Variants in FAM177A1 observed in about 807,000 individuals in gnomAD.
FAM177A1 encodes family with sequence similarity 177 member A1.
FAM177A1 carries 22 observed loss-of-function variants against 26.1 expected under a neutral mutation model. The observed-to-expected ratio is 0.84, with a 90% CI of 0.60 to 1.20. FAM177A1 has a LOEUF of 1.20. FAM177A1 is among the 50% of genes most tolerant of loss of function. The probability of loss-of-function intolerance (pLI) is 0.00; values close to 1 mark genes in which losing one functional copy is unlikely to be tolerated. For missense variants in FAM177A1, 296 were observed against 291.1 expected (o/e 1.02, Z -0.12); for synonymous variants, 95 against 99.3 (o/e 0.96, Z 0.26).
At chr14:35,076,600 A>T (rs55831988) in intron 2 of FAM177A1, among the ~76,000 whole-genome samples, 4,460 of 152,232 alleles carry the variant, frequency 0.029, 85 homozygotes, top group South Asian at 0.034. Flanking sequence ...ATAATAATAA[A>T]AAAAAAGACT....
intron 2 of FAM177A1, among the ~76,000 whole-genome samples, chr14:35,066,651 C>T (rs559349082): frequency 3.7e-4 from 56 of 150,734 alleles, no homozygotes; most frequent in Non-Finnish European, 6.1e-4. Context: ...GTGATCTGCC[C>T]GCCTCAGCCT....
Position 35,051,810 on chromosome 14 carries a change from A to T in FAM177A1, c.166-1468A>T, listed in dbSNP as rs990716171. On this transcript the variant is annotated intron_variant, in intron 1 of 4. Transcript: ENST00000280987. ...CAGAGAAGAATCATATCTGTTTTCTAAGAAGGACCTTAGAAGATTAAGATG... is the reference window on the plus strand; with the variant it reads ...CAGAGAAGAATCATATCTGTTTTCTTAGAAGGACCTTAGAAGATTAAGATG... Among the ~76,000 whole-genome samples the T allele has an allele frequency of 7.2e-5, 11 of 152,336 alleles. No individual in the cohort carries two copies. In the East Asian group the frequency reaches 2.1e-3, roughly 29 times the overall value.
At chr14:35,061,611 TGTG>T (rs2045158291) in intron 2 of FAM177A1, among the ~76,000 whole-genome samples, 1 of 84,512 alleles carries the variant, frequency 1.2e-5, no homozygotes, top group Non-Finnish European at 2.2e-5. Context: ...TGGGGACTGT[TGTG>T]GGGTGGGGGG....
intron 1 of FAM177A1, among the ~76,000 whole-genome samples, chr14:35,050,625 T>C (rs1194613652): frequency 6.6e-6 from 1 of 151,692 alleles, no homozygotes; most frequent in Non-Finnish European, 1.5e-5. Flanking sequence ...GAGAAGCCTC[T>C]ACTGTCTTGG....
intron 2 of FAM177A1, among the ~76,000 whole-genome samples, chr14:35,058,127 G>A (rs1023044784): frequency 6.6e-6 from 1 of 152,018 alleles, no homozygotes; most frequent in Non-Finnish European, 1.5e-5. Flanking sequence ...AGGCTGGAGT[G>A]CAGTGACACG....
At chr14:35,050,784 G>C (rs2044954446) in intron 1 of FAM177A1, 1 of 152,118 alleles carries the variant, frequency 6.6e-6, no homozygotes, top group African/African-American at 2.4e-5. Flanking sequence ...CTTTGCATAG[G>C]AAATTAAGGG....
At chr14:35,080,913 T>TTC (rs71121265) in intron 4 of FAM177A1, 109 bp from the exon 5 acceptor site, 176 of 154,518 alleles carry the variant, frequency 1.1e-3, no homozygotes, top group Middle Eastern at 9.9e-3. Context: ...AACATGACAC[T>TTC]TTTTTTTTTT....
chr14:35,054,435 A>G (rs1325977114), intron 2 of FAM177A1, among the ~76,000 whole-genome samples: 1 of 152,156 alleles, frequency 6.6e-6, no homozygotes, highest in African/African-American at 2.4e-5. Flanking sequence ...AGTCCAGGTA[A>G]TCACATATTT....
intron 1 of FAM177A1, chr14:35,046,868 C>G: frequency 7.6e-7 from 1 of 1,323,284 alleles, no homozygotes. Flanking sequence ...CCTCGGGTTC[C>G]TGGGGTGATA....
chr14:35,054,207 T>TC (rs1303965579), intron 2 of FAM177A1, among the ~76,000 whole-genome samples: 1 of 152,016 alleles, frequency 6.6e-6, no homozygotes, highest in Non-Finnish European at 1.5e-5. Context: ...AGAGTGAGAC[T>TC]CCATCTCAAA....
At chr14:35,078,864 C>T (rs747499880) in intron 3 of FAM177A1, 63 bp from the exon 4 acceptor site, 121 of 1,185,936 alleles carry the variant, frequency 1.0e-4, no homozygotes, top group Non-Finnish European at 1.3e-4. Flanking sequence ...GTGTCTTACA[C>T]ATAGAAAGTG....
chr14:35,057,064 G>T (rs2045073473), intron 2 of FAM177A1, among the ~76,000 whole-genome samples: 1 of 151,964 alleles, frequency 6.6e-6, no homozygotes, highest in South Asian at 2.1e-4. Flanking sequence ...TTCTGCTCTT[G>T]CCTGTATTAT....
At chr14:35,062,355 A>G (rs1450007980) in intron 2 of FAM177A1, among the ~76,000 whole-genome samples, 1 of 152,198 alleles carries the variant, frequency 6.6e-6, no homozygotes, top group African/African-American at 2.4e-5. Flanking sequence ...CCATGTATAT[A>G]GCATATTCAT....
chr14:35,053,112 C>G (rs973857298), intron 1 of FAM177A1, 166 bp from the exon 2 acceptor site: 9 of 610,468 alleles, frequency 1.5e-5, no homozygotes, highest in African/African-American at 3.7e-5. Flanking sequence ...AGTCTTGACA[C>G]TGTACTCCAG....
At chr14:35,058,523 T>G (rs774177195) in intron 2 of FAM177A1, among the ~76,000 whole-genome samples, 1 of 152,218 alleles carries the variant, frequency 6.6e-6, no homozygotes, top group Non-Finnish European at 1.5e-5. Context: ...CCTGATAGAT[T>G]GACCCTTTTA....
intron 2 of FAM177A1, among the ~76,000 whole-genome samples, chr14:35,053,800 T>C (rs1003810378): frequency 3.3e-5 from 5 of 152,144 alleles, no homozygotes; most frequent in Non-Finnish European, 7.3e-5. Context: ...GAGAACAGCC[T>C]GGCCAACATG....
At chr14:35,055,250 C>G (rs1317847963) in intron 2 of FAM177A1, among the ~76,000 whole-genome samples, 1 of 145,464 alleles carries the variant, frequency 6.9e-6, no homozygotes, top group African/African-American at 2.6e-5. Flanking sequence ...TTGCAGTGAG[C>G]CGAGATCGTG....
At chr14:35,060,434 C>T (rs959115947) in intron 2 of FAM177A1, among the ~76,000 whole-genome samples, 4 of 151,696 alleles carry the variant, frequency 2.6e-5, no homozygotes, top group Non-Finnish European at 5.9e-5. Flanking sequence ...CTGTTAAATC[C>T]AGCATCTTGT....
intron 1 of FAM177A1, among the ~76,000 whole-genome samples, chr14:35,048,842 G>A (rs1000286709): frequency 1.3e-4 from 19 of 151,342 alleles, no homozygotes; most frequent in African/African-American, 3.4e-4. Flanking sequence ...AGGAGATAGG[G>A]TCTAGAATTA....
Sources: allele counts gnomAD v4.1 joint callset (sites outside exome capture counted in the v4.1 genomes callset), GRCh38; gene constraint gnomAD v4.1.1; transcripts MANE v1.5; gene names NCBI Gene and HGNC (gene_info 2026-07-23, HGNC 2026-07-21).